CHLSN: variants seen among roughly 807,000 people sequenced by gnomAD.
The protein encoded by CHLSN is protein cholesin.
chr7:992,890 C>T, the CHLSN span, among the ~76,000 whole-genome samples: 784 of 152,316 alleles, frequency 5.1e-3, 8 homozygotes, highest in African/African-American at 0.018. Context: ...CCATCGCTGG[C>T]CAAATTCCCC....
chr7:1,005,735 G>C, the CHLSN span, among the ~76,000 whole-genome samples: 1 of 152,252 alleles, frequency 6.6e-6, no homozygotes, highest in African/African-American at 2.4e-5. Context: ...ACCTGAGGAG[G>C]GTGGGCTTGG....
At chr7:1,058,267 T>C in the CHLSN span, 1 of 772,208 alleles carries the variant, frequency 1.3e-6, no homozygotes, top group Non-Finnish European at 2.4e-6. Context: ...CCACACTATC[T>C]GATCCTGCTG....
chr7:1,132,045 C>G, the CHLSN span, among the ~76,000 whole-genome samples: 2 of 152,150 alleles, frequency 1.3e-5, no homozygotes, highest in South Asian at 4.1e-4. Context: ...ACACCATACA[C>G]AAAACTAACT....
At chr7:995,715 C>T in the CHLSN span, among the ~76,000 whole-genome samples, 4 of 152,276 alleles carry the variant, frequency 2.6e-5, no homozygotes, top group Admixed American at 6.5e-5. Context: ...TCTGAAGGTT[C>T]GTGCTGTGCA....
chr7:1,053,496 G>A, the CHLSN span, among the ~76,000 whole-genome samples: 3 of 152,240 alleles, frequency 2.0e-5, no homozygotes, highest in Admixed American at 6.5e-5. Context: ...CTGGCACGCT[G>A]TGGTTCTGTG....
At chr7:1,016,854 A>AGC in the CHLSN span, among the ~76,000 whole-genome samples, 5 of 87,624 alleles carry the variant, frequency 5.7e-5, no homozygotes, top group African/African-American at 1.4e-4. Context: ...AGCACACAGC[A>AGC]GCACACAGCA....
chr7:1,110,942 TG>T, the CHLSN span, among the ~76,000 whole-genome samples: 1 of 152,136 alleles, frequency 6.6e-6, no homozygotes, highest in Admixed American at 6.5e-5. Flanking sequence ...CCAGGTGTGG[TG>T]GCACACGCCT....
chr7:1,028,950 A>G, the CHLSN span: 2 of 375,480 alleles, frequency 5.3e-6, no homozygotes, highest in Non-Finnish European at 6.7e-6. Flanking sequence ...CAGGCCCTGC[A>G]GGCAGAGGCC....
the CHLSN span, chr7:1,093,398 G>A: frequency 2.2e-6 from 1 of 450,792 alleles, no homozygotes; most frequent in Non-Finnish European, 4.7e-6. Flanking sequence ...AGAGGAGAAG[G>A]AAAACATGCT....
At chr7:1,034,392 G>GTT in the CHLSN span, among the ~76,000 whole-genome samples, 1,904 of 148,908 alleles carry the variant, frequency 0.013, 24 homozygotes, top group African/African-American at 0.035. Context: ...AAATTTCAGG[G>GTT]TTTTTTTTTT....
At chr7:997,848 G>C in the CHLSN span, 1 of 1,522,150 alleles carries the variant, frequency 6.6e-7, no homozygotes, top group South Asian at 1.2e-5. Flanking sequence ...GGGGCAGGGA[G>C]GGGCCGCTGA....
the CHLSN span, chr7:1,077,989 G>A: frequency 6.6e-6 from 1 of 152,214 alleles, no homozygotes; most frequent in South Asian, 2.1e-4. Flanking sequence ...ACAGTGGTGG[G>A]AAGTTTCTCT....
the CHLSN span, among the ~76,000 whole-genome samples, chr7:1,072,322 G>C: frequency 0.11 from 17,453 of 152,226 alleles, 1,232 homozygotes; most frequent in Middle Eastern, 0.26. Flanking sequence ...AAGCACGCAC[G>C]ACTGCAGCGA....
At chr7:1,021,416 G>A in the CHLSN span, 1 of 985,476 alleles carries the variant, frequency 1.0e-6, no homozygotes, top group Non-Finnish European at 1.2e-6. Context: ...GGAAGCTGAA[G>A]GGCTCTGCCC....
At chr7:985,053 T>C in the CHLSN span, 1 of 1,612,494 alleles carries the variant, frequency 6.2e-7, no homozygotes. Context: ...CTGACAAGAT[T>C]CTGCAGGAGC....
At chr7:983,205 C>T in the CHLSN span, 17 of 1,490,136 alleles carry the variant, frequency 1.1e-5, no homozygotes, top group African/African-American at 7.1e-5. Flanking sequence ...TCACCAGCCA[C>T]GTCCTCATGG....
At chr7:983,165 G>T in the CHLSN span, 3 of 1,429,214 alleles carry the variant, frequency 2.1e-6, no homozygotes, top group Non-Finnish European at 1.8e-6. Context: ...AGGGTGCGGG[G>T]GGGACGGGGC....
the CHLSN span, chr7:1,088,213 C>G: frequency 3.3e-5 from 5 of 152,270 alleles, no homozygotes; most frequent in Non-Finnish European, 5.9e-5. This position sits in a 1 kb window ranked among gnomAD's most constrained non-coding sequence, Gnocchi z 4.5. Context: ...CTCAGGCATT[C>G]GGCAGGTCCA....
chr7:988,759 G>A, the CHLSN span: 9 of 1,598,650 alleles, frequency 5.6e-6, no homozygotes, highest in South Asian at 4.4e-5. Flanking sequence ...TGGACACCAC[G>A]CCCGCCCGGG....
Sources: allele counts gnomAD v4.1 joint callset (sites outside exome capture counted in the v4.1 genomes callset), GRCh38; gene constraint gnomAD v4.1.1; non-coding constraint Gnocchi (gnomAD v3.1); transcripts MANE v1.5; gene names NCBI Gene and HGNC (gene_info 2026-07-23, HGNC 2026-07-21).